VPS13B: variants seen among roughly 807,000 people sequenced by gnomAD.
The protein encoded by VPS13B is vacuolar protein sorting 13 homolog B.
VPS13B carries 285 observed loss-of-function variants against 426.4 expected under a neutral mutation model. The ratio of observed to expected loss-of-function variants is 0.67; its 90% confidence interval spans 0.61 to 0.74. The LOEUF (loss-of-function observed/expected upper bound fraction) is 0.74, where lower values mean the gene tolerates loss of function less well. Ranked by LOEUF, VPS13B falls within the 30% of genes least tolerant of loss-of-function variation. The pLI, the probability that VPS13B is intolerant of heterozygous loss-of-function variation, is 0.00. For synonymous variants in VPS13B, 1,676 were observed against 1,676.4 expected, an observed-to-expected ratio of 1.00 and a Z score of 0.01; for missense variants, 4,537 against 4,782.6, an observed-to-expected ratio of 0.95 and a Z score of 1.51.
chr8:99,835,579 C>G lies in VPS13B; in HGVS notation c.9783C>G (p.Ser3261=). The G allele has an allele frequency of 1.9e-6, 3 of 1,614,090 alleles. No individual in the cohort carries two copies. Among genetic ancestry groups the G allele is most frequent in the Non-Finnish European group, 2.5e-6 (3 of 1,180,022 alleles). The part of the protein sequence containing the change: ...KFEVYCKKIP[S]ECSIHHELYH... ...AGGTTTATTGCAAAAAAATTCCCTC[C>G]GAGTGCTCAATTCATCATGAGCTGT... Residue 3261 remains serine (S), a synonymous_variant, in exon 54 of 62, where the codon TCC becomes TCG. Transcript: ENST00000357162.
chr8:99,568,532 C>G (rs1394801376), intron 31 of VPS13B, among the ~76,000 whole-genome samples: 2 of 151,922 alleles, frequency 1.3e-5, no homozygotes, highest in African/African-American at 4.8e-5. Context: ...CTCAGGCAAT[C>G]CACCCACCTC....
At chr8:99,486,510 C>G (rs1233039006) in intron 25 of VPS13B, among the ~76,000 whole-genome samples, 1 of 152,212 alleles carries the variant, frequency 6.6e-6, no homozygotes, top group Non-Finnish European at 1.5e-5. Context: ...GCCATCCTGC[C>G]CAGGCATGAA....
At chr8:99,317,693 A>G (rs1178987826) in intron 19 of VPS13B, among the ~76,000 whole-genome samples, 2 of 152,146 alleles carry the variant, frequency 1.3e-5, no homozygotes, top group Non-Finnish European at 2.9e-5. Context: ...TTGGTGTAAT[A>G]AAAATATCTT....
chr8:99,710,453 A>G (rs903952758), intron 36 of VPS13B, among the ~76,000 whole-genome samples: 1 of 152,060 alleles, frequency 6.6e-6, no homozygotes, highest in African/African-American at 2.4e-5. Context: ...CTAGGTTTAT[A>G]TGTGTGGTAA....
At chr8:99,430,702 AC>A (rs796824615) in intron 21 of VPS13B, among the ~76,000 whole-genome samples, 3,468 of 124,826 alleles carry the variant, frequency 0.028, 112 homozygotes, top group African/African-American at 0.085. Context: ...ATCAAAATCC[AC>A]CCCCCCCCCA....
In VPS13B at chr8:99,696,121, A is replaced by G. The variant is rs540150984; in HGVS notation, c.6047-3404A>G. 1.1e-4 allele frequency: 18 copies of G among 161,890 alleles called. No individual in the cohort carries two copies. In the East Asian group the frequency reaches 2.4e-3, roughly 22 times the overall value. The allele number at this position is 161,890 out of a possible 1,614,324, so 10.0% of individuals were successfully genotyped here. A position where few individuals can be genotyped will look rare whatever the true frequency, so the allele number is the denominator to read the frequency against. ...GCCCACGCACGGTGGCGAGAGTGCC[A>G]TGGACCTCTGCCACAGTGGATTTTA... On this transcript the variant is annotated intron_variant, in intron 35 of 61. Coordinates refer to ENST00000357162, the MANE Select transcript of VPS13B (RefSeq NM_152564.5).
chr8:99,427,554 A>G (rs1177502999), intron 21 of VPS13B, among the ~76,000 whole-genome samples: 1 of 152,114 alleles, frequency 6.6e-6, no homozygotes, highest in Non-Finnish European at 1.5e-5. Flanking sequence ...AAAGAGAATA[A>G]AATACCTGGG....
chr8:99,739,958 C>G (rs1809608897), intron 39 of VPS13B, among the ~76,000 whole-genome samples: 1 of 152,188 alleles, frequency 6.6e-6, no homozygotes, highest in African/African-American at 2.4e-5. Flanking sequence ...AGCAACAGAA[C>G]AAAGCTAGAT....
At chr8:99,072,666 C>T (rs568563128) in intron 3 of VPS13B, among the ~76,000 whole-genome samples, 39 of 152,124 alleles carry the variant, frequency 2.6e-4, no homozygotes, top group Middle Eastern at 3.4e-3. Context: ...AAAATCTTTG[C>T]CTAGATGAGT....
chr8:99,791,007 T>C (rs1385790261), intron 43 of VPS13B, among the ~76,000 whole-genome samples: 3 of 152,170 alleles, frequency 2.0e-5, no homozygotes, highest in African/African-American at 7.2e-5. Context: ...ATAATCTACG[T>C]ACCCAGAGAG....
At chr8:99,094,300 ATGT>A (rs770644609) in intron 3 of VPS13B, among the ~76,000 whole-genome samples, 4 of 152,326 alleles carry the variant, frequency 2.6e-5, no homozygotes, top group Non-Finnish European at 5.9e-5. Flanking sequence ...TTTAATGTTA[ATGT>A]TGTGCAGAAG....
chr8:99,805,754 C>A (rs1458180746), intron 43 of VPS13B, among the ~76,000 whole-genome samples: 1 of 152,126 alleles, frequency 6.6e-6, no homozygotes, highest in Non-Finnish European at 1.5e-5. Flanking sequence ...ATACAACCTG[C>A]CTTATTGCTT....
intron 25 of VPS13B, among the ~76,000 whole-genome samples, chr8:99,485,053 A>G (rs1359998306): frequency 2.0e-5 from 3 of 152,202 alleles, no homozygotes; most frequent in Admixed American, 1.3e-4. Context: ...AAAGTCAGGA[A>G]CAACACTAGG....
At chr8:99,656,796 TAAAC>T (rs1184560912) in intron 34 of VPS13B, among the ~76,000 whole-genome samples, 5 of 152,158 alleles carry the variant, frequency 3.3e-5, no homozygotes, top group African/African-American at 9.7e-5. Context: ...ATTTAAATGA[TAAAC>T]AAAGGCATAC....
chr8:99,508,179 A>G (rs1333301420), intron 28 of VPS13B, among the ~76,000 whole-genome samples: 1 of 152,214 alleles, frequency 6.6e-6, no homozygotes, highest in Non-Finnish European at 1.5e-5. Flanking sequence ...TTGTGCATGT[A>G]TTGAATGATC....
chr8:99,642,083 A>G lies in VPS13B; in HGVS notation c.5493A>G (p.Leu1831=). The G allele has an allele frequency of 6.2e-7, 1 of 1,614,146 alleles. No homozygotes were observed. The highest frequency in any genetic ancestry group is 1.1e-5 in the South Asian group (1 of 91,086). The change falls in exon 34 of 62, where the codon TTA becomes TTG. Residue 1831 remains leucine (L), a synonymous_variant. Coordinates refer to ENST00000357162, the MANE Select transcript of VPS13B (RefSeq NM_152564.5). ...TAATGACCTATTCCTGTATGGCCTT[A>G]TCCAAATCGAAATCACAAGAACAGA... The part of the protein sequence containing the change: ...ISLMTYSCMA[L]SKSKSQEQKN...
chr8:99,158,425 C>A (rs1811475761), intron 15 of VPS13B, among the ~76,000 whole-genome samples: 1 of 152,074 alleles, frequency 6.6e-6, no homozygotes, highest in South Asian at 2.1e-4. Context: ...CTCAGCTACT[C>A]AGGAGGCTGA....
At chr8:99,607,704 A>T (rs148549734) in intron 33 of VPS13B, among the ~76,000 whole-genome samples, 1 of 152,316 alleles carries the variant, frequency 6.6e-6, no homozygotes, top group East Asian at 1.9e-4. Context: ...GACCACAGGG[A>T]ACTTTTATTT....
chr8:99,797,939 A>C (rs1240553961), intron 43 of VPS13B, among the ~76,000 whole-genome samples: 1 of 152,094 alleles, frequency 6.6e-6, no homozygotes, highest in Non-Finnish European at 1.5e-5. Flanking sequence ...CTACAGTATC[A>C]CCCTTATTGT....
Sources: gnomAD v4.1 joint callset for allele counts (sites outside exome capture counted in the v4.1 genomes callset) on GRCh38, gnomAD v4.1.1 for gene constraint, MANE v1.5 for transcripts, NCBI Gene and HGNC (gene_info 2026-07-23, HGNC 2026-07-21) for gene names.